PDE4D: variants seen among roughly 807,000 people sequenced by gnomAD.
PDE4D encodes the protein 3',5'-cyclic-AMP phosphodiesterase 4D.
In PDE4D, 24 loss-of-function variants were observed where a neutral mutation model predicts 87.4. That is an observed-to-expected ratio of 0.27 (90% CI 0.20 to 0.39). PDE4D has a LOEUF of 0.39. PDE4D is among the 10% of genes least tolerant of loss of function. PDE4D has a pLI of 1.00. For missense variants in PDE4D, 714 were observed against 1,041.0 expected (o/e 0.69, Z 4.32); for synonymous variants, 384 against 383.2 (o/e 1.00, Z -0.02).
intron 2 of PDE4D, among the ~76,000 whole-genome samples, chr5:60,087,143 T>C (rs1191188188): frequency 6.6e-6 from 1 of 152,204 alleles, no homozygotes; most frequent in African/African-American, 2.4e-5. Flanking sequence ...TGGGAAACAA[T>C]GGCAGGGCAA....
chr5:60,175,123 T>A (rs1005395973), intron 2 of PDE4D, among the ~76,000 whole-genome samples: 1 of 152,088 alleles, frequency 6.6e-6, no homozygotes, highest in Non-Finnish European at 1.5e-5. Context: ...CTTTCTCCCT[T>A]TTATTTCCAC....
intron 5 of PDE4D, among the ~76,000 whole-genome samples, chr5:59,169,181 A>G (rs1341195093): frequency 6.6e-6 from 1 of 152,204 alleles, no homozygotes; most frequent in Non-Finnish European, 1.5e-5. Flanking sequence ...ATGAGCCTCA[A>G]AGGAATTTTC....
intron 3 of PDE4D, among the ~76,000 whole-genome samples, chr5:59,981,261 A>G (rs1032767726): frequency 2.0e-5 from 3 of 151,540 alleles, no homozygotes; most frequent in African/African-American, 7.2e-5. Flanking sequence ...CAAAAACAAA[A>G]CAAAACAAAA....
intron 1 of PDE4D, among the ~76,000 whole-genome samples, chr5:59,416,926 C>T (rs949228005): frequency 1.3e-5 from 2 of 152,002 alleles, no homozygotes; most frequent in African/African-American, 4.8e-5. Context: ...TAGATGTATA[C>T]ATATACATAT....
At chr5:59,627,655 T>C (rs1327159571) in intron 1 of PDE4D, among the ~76,000 whole-genome samples, 1 of 152,196 alleles carries the variant, frequency 6.6e-6, no homozygotes, top group Non-Finnish European at 1.5e-5. Context: ...TTGGAGTATG[T>C]TCCTTGAAGC....
At chr5:59,146,764 C>T (rs573055211) in intron 5 of PDE4D, among the ~76,000 whole-genome samples, 1 of 151,718 alleles carries the variant, frequency 6.6e-6, no homozygotes, top group African/African-American at 2.4e-5. Context: ...GCTTTATTTC[C>T]TGAGAAAAAA....
chr5:59,344,360 A>G (rs975969322), intron 1 of PDE4D, among the ~76,000 whole-genome samples: 1 of 152,198 alleles, frequency 6.6e-6, no homozygotes, highest in South Asian at 2.1e-4. Flanking sequence ...TTTTAGCACA[A>G]GCTTCATGAT....
chr5:59,409,488 G>T (rs1792287193), intron 1 of PDE4D, among the ~76,000 whole-genome samples: 1 of 152,142 alleles, frequency 6.6e-6, no homozygotes, highest in Non-Finnish European at 1.5e-5. Flanking sequence ...CGTGGTGTCT[G>T]GGTCATGTGG....
At chr5:59,959,565 C>G (rs1166001460) in intron 3 of PDE4D, among the ~76,000 whole-genome samples, 2 of 152,140 alleles carry the variant, frequency 1.3e-5, no homozygotes, top group East Asian at 1.9e-4. Context: ...TGCACGCCTA[C>G]AGCCATCTGA....
chr5:60,422,283 G>A (rs1378726271), intron 1 of PDE4D, among the ~76,000 whole-genome samples: 1 of 152,156 alleles, frequency 6.6e-6, no homozygotes, highest in Non-Finnish European at 1.5e-5. Context: ...AATGTTAAGG[G>A]CAGCCAGAGA....
intron 1 of PDE4D, among the ~76,000 whole-genome samples, chr5:60,502,754 T>A (rs986546157): frequency 2.0e-5 from 3 of 152,166 alleles, no homozygotes; most frequent in Admixed American, 1.3e-4. Flanking sequence ...AGGGAGCTTA[T>A]CCCTTCAAAG....
intron 1 of PDE4D, among the ~76,000 whole-genome samples, chr5:60,286,520 C>A (rs976596920): frequency 2.0e-5 from 3 of 148,970 alleles, no homozygotes; most frequent in South Asian, 2.3e-4. Context: ...TCTGCAAAAA[C>A]CACAGATAAT....
intron 1 of PDE4D, among the ~76,000 whole-genome samples, chr5:60,250,244 T>TTTA (rs1421737086): frequency 6.6e-6 from 1 of 151,972 alleles, no homozygotes; most frequent in African/African-American, 2.4e-5. Flanking sequence ...TTGAAGGTTT[T>TTTA]TTTTAATATT....
intron 1 of PDE4D, among the ~76,000 whole-genome samples, chr5:59,676,392 A>G (rs1748084485): frequency 6.6e-6 from 1 of 152,198 alleles, no homozygotes; most frequent in Non-Finnish European, 1.5e-5. Context: ...ACTTTCATTC[A>G]GTCAATAGAT....
Position 59,480,562 on chromosome 5 carries a change from A to C in PDE4D, c.456-264594T>G, listed in dbSNP as rs1804083920. On this transcript the variant is annotated intron_variant, in intron 1 of 14. Coordinates refer to ENST00000340635, the MANE Select transcript of PDE4D (RefSeq NM_001104631.2). ...CATTCACGATGGGCACTGTAGTCAC[A>C]TCATCATGGCATGTGGCCATGTTGG... 2.0e-5 allele frequency among the ~76,000 whole-genome samples: 3 copies of C among 152,258 alleles called. No individual in the cohort carries two copies. The South Asian group carries it at 6.2e-4, about 32-fold the overall frequency.
intron 1 of PDE4D, among the ~76,000 whole-genome samples, chr5:59,814,186 A>T (rs970587245): frequency 3.9e-5 from 6 of 152,172 alleles, no homozygotes; most frequent in Admixed American, 2.6e-4. Context: ...CTTTATTTAT[A>T]AAAAAAGACA....
chr5:59,977,318 C>T (rs1310930972), intron 3 of PDE4D, among the ~76,000 whole-genome samples: 1 of 152,202 alleles, frequency 6.6e-6, no homozygotes, highest in East Asian at 1.9e-4. Flanking sequence ...GAGAAAACTT[C>T]AGTGGTCTGG....
intron 5 of PDE4D, among the ~76,000 whole-genome samples, chr5:59,159,891 A>G (rs374726333): frequency 6.6e-6 from 1 of 152,196 alleles, no homozygotes; most frequent in Non-Finnish European, 1.5e-5. Flanking sequence ...ACAATATGGG[A>G]CAGCAGATGA....
chr5:60,154,311 C>G (rs1167372890), intron 2 of PDE4D, among the ~76,000 whole-genome samples: 1 of 151,662 alleles, frequency 6.6e-6, no homozygotes, highest in Non-Finnish European at 1.5e-5. Flanking sequence ...GAGTCTCAGT[C>G]TCTTGCCCAG....
Sources: gnomAD v4.1 joint callset for allele counts (sites outside exome capture counted in the v4.1 genomes callset) on GRCh38, gnomAD v4.1.1 for gene constraint, MANE v1.5 for transcripts, NCBI Gene and HGNC (gene_info 2026-07-23, HGNC 2026-07-21) for gene names.